COBL: variants seen among roughly 807,000 people sequenced by gnomAD.
The protein encoded by COBL is cordon-bleu WH2 repeat protein.
COBL carries 51 observed loss-of-function variants against 98.8 expected under a neutral mutation model. The ratio of observed to expected loss-of-function variants is 0.52; its 90% confidence interval spans 0.41 to 0.65. The LOEUF (loss-of-function observed/expected upper bound fraction) is 0.65, where lower values mean the gene tolerates loss of function less well. Ranked by LOEUF, COBL falls within the 30% of genes least tolerant of loss-of-function variation. COBL has a pLI of 0.00. For missense variants in COBL, 1,617 were observed against 1,617.5 expected, an observed-to-expected ratio of 1.00 and a Z score of 0.01; for synonymous variants, 634 against 651.7, an observed-to-expected ratio of 0.97 and a Z score of 0.41.
intron 5 of COBL, among the ~76,000 whole-genome samples, chr7:51,170,547 C>CAT (rs989683235): frequency 2.1e-5 from 3 of 144,898 alleles, no homozygotes; most frequent in African/African-American, 5.1e-5. Flanking sequence ...ATATCACATA[C>CAT]ATATATATAT....
At chr7:51,236,219 C>T (rs1795245331) in intron 1 of COBL, among the ~76,000 whole-genome samples, 1 of 152,142 alleles carries the variant, frequency 6.6e-6, no homozygotes, top group East Asian at 1.9e-4. Context: ...CTGGGACAAT[C>T]TAAGAAATGG....
chr7:51,172,282 A>G (rs1040087841), intron 5 of COBL, among the ~76,000 whole-genome samples: 5 of 152,260 alleles, frequency 3.3e-5, no homozygotes, highest in African/African-American at 9.6e-5. Flanking sequence ...CACGTATTCC[A>G]AAAGTAGCAT....
intron 7 of COBL, among the ~76,000 whole-genome samples, chr7:51,045,011 T>C (rs1789553920): frequency 1.3e-5 from 2 of 152,204 alleles, no homozygotes; most frequent in Non-Finnish European, 2.9e-5. Flanking sequence ...CGAGGAGATA[T>C]GCTGAATGCA....
intron 6 of COBL, among the ~76,000 whole-genome samples, chr7:51,089,027 T>C (rs1583750748): frequency 1.3e-5 from 2 of 151,978 alleles, no homozygotes; most frequent in South Asian, 4.2e-4. Context: ...CAGGCAGGGG[T>C]ATGGAGATCT....
rs374656288 is a variant in COBL, at chr7:51,193,352, G to A, written c.456+27C>T. On this transcript the variant is annotated intron_variant, in intron 3 of 12. Coordinates refer to ENST00000265136, the MANE Select transcript of COBL (RefSeq NM_015198.5). Reference sequence around the variant, plus strand: ...AGGACCTGCCACACATTCAGACACAGGTATTTCCATGTAGGTACCTACTAA... The same window carrying A: ...AGGACCTGCCACACATTCAGACACAAGTATTTCCATGTAGGTACCTACTAA... The A allele has an allele frequency of 5.1e-5, 81 of 1,600,372 alleles. No homozygotes were observed. In the South Asian group the frequency reaches 6.3e-4, roughly 12 times the overall value.
At chr7:51,083,236 G>C in intron 7 of COBL, 3 of 1,446,444 alleles carry the variant, frequency 2.1e-6, no homozygotes, top group Non-Finnish European at 2.7e-6. Context: ...CACCTATATG[G>C]AATCAACAGG....
intron 7 of COBL, among the ~76,000 whole-genome samples, chr7:51,070,213 C>G (rs910845983): frequency 3.6e-4 from 54 of 151,976 alleles, no homozygotes; most frequent in Non-Finnish European, 7.4e-4. Context: ...AGCAAAGAAA[C>G]CAAAAATATA....
At chr7:51,286,083 T>C (rs1369875166) in intron 1 of COBL, among the ~76,000 whole-genome samples, 1 of 152,106 alleles carries the variant, frequency 6.6e-6, no homozygotes, top group African/African-American at 2.4e-5. Context: ...CTAAGTCACA[T>C]GCCTTATACA....
intron 1 of COBL, among the ~76,000 whole-genome samples, chr7:51,255,844 G>A (rs943345448): frequency 8.5e-5 from 13 of 152,050 alleles, no homozygotes; most frequent in East Asian, 3.9e-4. Flanking sequence ...CACCTGATGC[G>A]GCCACTCAGC....
chr7:51,191,379 T>A (rs929915883), intron 3 of COBL, among the ~76,000 whole-genome samples: 1 of 152,068 alleles, frequency 6.6e-6, no homozygotes, highest in Non-Finnish European at 1.5e-5. Flanking sequence ...CTTCCAAGGG[T>A]TCTGGCCAGA....
At chr7:51,065,866 T>C (rs569155893) in intron 7 of COBL, among the ~76,000 whole-genome samples, 1 of 152,242 alleles carries the variant, frequency 6.6e-6, no homozygotes, top group African/African-American at 2.4e-5. Flanking sequence ...CCAACAGGAC[T>C]GGTGTCCTTA....
At chr7:51,146,495 T>G (rs2129016523) in intron 5 of COBL, among the ~76,000 whole-genome samples, 1 of 152,234 alleles carries the variant, frequency 6.6e-6, no homozygotes, top group South Asian at 2.1e-4. Context: ...TTAACCTCAG[T>G]CCTTTCCTAT....
chr7:51,259,541 G>T, intron 1 of COBL: 1 of 694,782 alleles, frequency 1.4e-6, no homozygotes. Context: ...CCACTGAGAA[G>T]TGGAAAGGGC....
intron 1 of COBL, chr7:51,259,386 A>G: frequency 2.4e-6 from 1 of 408,648 alleles, no homozygotes; most frequent in South Asian, 2.8e-5. Flanking sequence ...TGACCCATCA[A>G]AAGTCAGCCC....
intron 7 of COBL, chr7:51,083,256 C>A (rs1188931521): frequency 7.0e-7 from 1 of 1,436,810 alleles, no homozygotes; most frequent in African/African-American, 1.4e-5. Flanking sequence ...GGAGTTACTT[C>A]AGCAGGTTAA....
At chr7:51,234,282 T>C (rs1795028773) in intron 1 of COBL, among the ~76,000 whole-genome samples, 1 of 152,224 alleles carries the variant, frequency 6.6e-6, no homozygotes, top group Non-Finnish European at 1.5e-5. Flanking sequence ...TGAGCAACCA[T>C]GTGGCCTCTG....
intron 5 of COBL, among the ~76,000 whole-genome samples, chr7:51,154,478 G>C (rs1003090928): frequency 1.3e-5 from 2 of 152,162 alleles, no homozygotes; most frequent in Non-Finnish European, 2.9e-5. Context: ...TCCTGATCTG[G>C]GGCATGACTG....
At chr7:51,189,023 T>C (rs1789823702) in intron 4 of COBL, among the ~76,000 whole-genome samples, 1 of 152,198 alleles carries the variant, frequency 6.6e-6, no homozygotes, top group African/African-American at 2.4e-5. Flanking sequence ...CAAAGAGTCA[T>C]GTAAACCAAA....
intron 6 of COBL, among the ~76,000 whole-genome samples, chr7:51,132,396 T>C (rs10241313): frequency 0.14 from 21,612 of 152,204 alleles, 2,001 homozygotes; most frequent in African/African-American, 0.25. Context: ...CTATGTCTGA[T>C]CACTACAGCA....
Sources: gnomAD v4.1 joint callset for allele counts (sites outside exome capture counted in the v4.1 genomes callset) on GRCh38, gnomAD v4.1.1 for gene constraint, MANE v1.5 for transcripts, NCBI Gene and HGNC (gene_info 2026-07-23, HGNC 2026-07-21) for gene names.